Variants in DDAH1 observed in about 807,000 individuals in gnomAD.
DDAH1 encodes the protein dimethylarginine dimethylaminohydrolase 1.
A neutral mutation model predicts 28.8 loss-of-function variants in DDAH1; 19 were observed. That is an observed-to-expected ratio of 0.66 (90% CI 0.46 to 0.97). The LOEUF (loss-of-function observed/expected upper bound fraction) is 0.97, where lower values mean the gene tolerates loss of function less well. DDAH1 is among the 50% of genes least tolerant of loss of function. DDAH1 has a pLI of 0.00. For synonymous variants in DDAH1, 153 were observed against 154.4 expected, an observed-to-expected ratio of 0.99 and a Z score of 0.07; for missense variants, 326 against 375.9, an observed-to-expected ratio of 0.87 and a Z score of 1.10.
At chr1:85,489,091 A>G (rs1457957933) in intron 2 of DDAH1, among the ~76,000 whole-genome samples, 3 of 152,232 alleles carry the variant, frequency 2.0e-5, no homozygotes, top group African/African-American at 7.2e-5. Flanking sequence ...GCCATTCTAA[A>G]CATGTTTAGT....
rs58992773 is a variant in DDAH1, at chr1:85,342,387, A to AGTGTGT, written c.597+8022_597+8027dup. Among the ~76,000 whole-genome samples the AGTGTGT allele has an allele frequency of 6.4e-3, 946 of 147,966 alleles. 7 individuals are homozygous for AGTGTGT. Among genetic ancestry groups the AGTGTGT allele is most frequent in the Middle Eastern group, 0.011 (3 of 282 alleles). Reference sequence around the variant, plus strand: ...GGTCCTGTTGTTAGGTTTTTCTATGAGTGTGTGTGTGTGTGTGTGTGTGTG... The same window carrying AGTGTGT: ...GGTCCTGTTGTTAGGTTTTTCTATGAGTGTGTGTGTGTGTGTGTGTGTGTGTGTGTG... On this transcript the variant is annotated intron_variant, in intron 4 of 5. Transcript: ENST00000284031.
chr1:85,452,126 C>T lies in DDAH1; in HGVS notation c.303+12617G>A, dbSNP rs1654691582. ...GCCTTTGGATGAATGGCTTTACCTT[C>T]CTAATAGGCAATGAAAAACCCAGTG... On this transcript the variant is annotated intron_variant, in intron 1 of 5. Transcript: ENST00000284031. Among the ~76,000 whole-genome samples, 4 of 152,164 alleles carry T rather than the reference C, an allele frequency of 2.6e-5. No individual in the cohort carries two copies. In the South Asian group the frequency reaches 8.3e-4, roughly 32 times the overall value.
chr1:85,504,011 T>C (rs1656920476), intron 1 of DDAH1, among the ~76,000 whole-genome samples: 1 of 152,142 alleles, frequency 6.6e-6, no homozygotes, highest in South Asian at 2.1e-4. Context: ...TTATTATAAA[T>C]ACAGGGAAAG....
At position 85,532,214 on chromosome 1, in the gene DDAH1, T is replaced by C. The variant is rs1202233552; in HGVS notation, c.-122-35933A>G. Among the ~76,000 whole-genome samples the C allele has an allele frequency of 5.3e-5, 8 of 151,824 alleles. No individual in the cohort carries two copies. The East Asian group carries it at 1.6e-3, about 30-fold the overall frequency. On this transcript the variant is annotated intron_variant, in intron 1 of 6. Transcript: ENST00000426972. ...GGCTACGTGTCAAGACCTGTCCATC[T>C]GCACTCTTGATTCTCTCTAAGTGCC...
chr1:85,354,666 T>TA (rs1207217155), intron 2 of DDAH1, among the ~76,000 whole-genome samples: 2 of 151,766 alleles, frequency 1.3e-5, no homozygotes, highest in African/African-American at 2.4e-5. Context: ...TAAGTTTTTT[T>TA]AAAAAAAACC....
At chr1:85,542,387 C>A (rs900873759) in intron 1 of DDAH1, among the ~76,000 whole-genome samples, 1 of 152,232 alleles carries the variant, frequency 6.6e-6, no homozygotes, top group African/African-American at 2.4e-5. Flanking sequence ...TGTTACTGAT[C>A]AGATTCTAAG....
chr1:85,367,983 AAGT>A (rs1249784682), intron 1 of DDAH1, among the ~76,000 whole-genome samples: 1 of 152,224 alleles, frequency 6.6e-6, no homozygotes, highest in Non-Finnish European at 1.5e-5. Flanking sequence ...CAAAATTGAC[AAGT>A]AGTATCCAAA....
At position 85,464,833 on chromosome 1, in the gene DDAH1, A is replaced by C. The variant is rs2100694742; in HGVS notation, c.213T>G (p.Leu71=). The C allele has an allele frequency of 6.3e-7, 1 of 1,588,806 alleles. No individual in the cohort carries two copies. Among genetic ancestry groups the C allele is most frequent in the Middle Eastern group, 1.7e-4 (1 of 5,992 alleles). ...QVVELPADES[L]PDCVFVEDVA... is the part of the protein sequence containing the mutation. ...CGTCCTCCACGAAGACGCAGTCCGG[A>C]AGGCTCTCGTCGGCCGGCAGCTCCA... Residue 71 remains leucine (L), a synonymous_variant, in exon 1 of 6, where the codon CTT becomes CTG. Coordinates refer to ENST00000284031, the MANE Select transcript of DDAH1 (RefSeq NM_012137.4). The surrounding 1 kb of genome is among the most constrained non-coding windows in gnomAD (Gnocchi z 4.4).
upstream of DDAH1, among the ~76,000 whole-genome samples, chr1:85,465,479 G>A (rs1399079896): frequency 6.6e-6 from 1 of 152,166 alleles, no homozygotes; most frequent in Non-Finnish European, 1.5e-5. Context: ...TTGGAGAGCC[G>A]GCCTCGGTCT....
intron 1 of DDAH1, among the ~76,000 whole-genome samples, chr1:85,455,383 G>A (rs1570566726): frequency 6.6e-6 from 1 of 151,882 alleles, no homozygotes; most frequent in South Asian, 2.1e-4. Flanking sequence ...TACCTTATTT[G>A]GCTAACATGT....
chr1:85,519,126 C>T (rs1399423399), intron 1 of DDAH1, among the ~76,000 whole-genome samples: 2 of 109,500 alleles, frequency 1.8e-5, no homozygotes, highest in African/African-American at 3.7e-5. Context: ...CGGAGTCTTG[C>T]TCTGTCGCCC....
intron 1 of DDAH1, among the ~76,000 whole-genome samples, chr1:85,395,052 C>A (rs1400780839): frequency 6.6e-6 from 1 of 151,678 alleles, no homozygotes; most frequent in Non-Finnish European, 1.5e-5. Flanking sequence ...GCAAAGTATA[C>A]CAAGAGAAAG....
At chr1:85,416,447 G>A (rs893933808) in intron 1 of DDAH1, among the ~76,000 whole-genome samples, 25 of 152,044 alleles carry the variant, frequency 1.6e-4, no homozygotes, top group Non-Finnish European at 3.1e-4. Flanking sequence ...CAGCCACCTT[G>A]GCCTCCCAAA....
At chr1:85,396,413 G>A (rs1651816343) in intron 1 of DDAH1, among the ~76,000 whole-genome samples, 2 of 152,120 alleles carry the variant, frequency 1.3e-5, no homozygotes, top group African/African-American at 4.8e-5. Flanking sequence ...GAGGAGTGGG[G>A]AGGTGACAGG....
intron 1 of DDAH1, among the ~76,000 whole-genome samples, chr1:85,543,076 C>CT (rs1310071304): frequency 1.3e-5 from 2 of 152,070 alleles, no homozygotes; most frequent in South Asian, 2.1e-4. Context: ...CTTCTCAGAT[C>CT]TTTTTTTATA....
At chr1:85,465,578 A>G (rs953900869), upstream of DDAH1, among the ~76,000 whole-genome samples, 1 of 152,216 alleles carries the variant, frequency 6.6e-6, no homozygotes, top group African/African-American at 2.4e-5. Context: ...TTGAAGAGCT[A>G]TAATGGTTTA....
chr1:85,353,626 C>T (rs534873415), intron 2 of DDAH1, among the ~76,000 whole-genome samples: 89 of 152,090 alleles, frequency 5.9e-4, no homozygotes, highest in South Asian at 2.9e-3. Flanking sequence ...AAGTATTATG[C>T]ACTTTATTAA....
rs1401358388 is a variant in DDAH1 at position 85,479,183 on chromosome 1, T to TTTTG, written c.-7+16982_-7+16983insCAAA. On this transcript the variant is annotated intron_variant, in intron 2 of 6. Transcript: ENST00000426972. ...TCTTTTTTTTTTTTTTTTTTTTTTT[T>TTTTG]TGAGACGGAGTCTTGCTCTGTCGCC... Among the ~76,000 whole-genome samples, 144 of 141,650 alleles carry TTTTG rather than the reference T, an allele frequency of 1.0e-3. 1 individual carries two copies. Among genetic ancestry groups the TTTTG allele is most frequent in the Middle Eastern group, 3.5e-3 (1 of 282 alleles). The allele number at this position is 141,650 out of a possible 152,430, so 92.9% of individuals were successfully genotyped here.
At chr1:85,508,477 G>A (rs1294091052) in intron 1 of DDAH1, among the ~76,000 whole-genome samples, 1 of 152,190 alleles carries the variant, frequency 6.6e-6, no homozygotes, top group Non-Finnish European at 1.5e-5. Flanking sequence ...GTTGGACAGT[G>A]GGTACAGCCC....
Sources: allele counts gnomAD v4.1 joint callset (sites outside exome capture counted in the v4.1 genomes callset), GRCh38; gene constraint gnomAD v4.1.1; non-coding constraint Gnocchi (gnomAD v3.1); transcripts MANE v1.5; gene names NCBI Gene and HGNC (gene_info 2026-07-23, HGNC 2026-07-21).